The following SCO1 variants were observed in gnomAD, a reference collection of about 807,000 sequenced individuals.
SCO1 encodes the protein synthesis of cytochrome C oxidase 1.
Under a neutral mutation model 34.0 loss-of-function variants are expected in SCO1, and 23 were observed. The observed-to-expected ratio is 0.68, with a 90% CI of 0.49 to 0.96. The LOEUF (loss-of-function observed/expected upper bound fraction) is 0.96, where lower values mean the gene tolerates loss of function less well. SCO1 is among the 40% of genes least tolerant of loss of function. The pLI, the probability that SCO1 is intolerant of heterozygous loss-of-function variation, is 0.00. For synonymous variants in SCO1, 161 were observed against 145.5 expected, an observed-to-expected ratio of 1.11 and a Z score of -0.77; for missense variants, 404 against 381.6, an observed-to-expected ratio of 1.06 and a Z score of -0.49.
Position 10,692,751 on chromosome 17 carries a change from A to T in SCO1, c.562+13T>A, listed in dbSNP as rs1465776556. On this transcript the variant is annotated intron_variant, in intron 3 of 5. Transcript: ENST00000255390. ...AAACATATACTTTGTTTAGTTAGTG[A>T]TGGCTTTCTTACCTATTTCATCCAC... is the stretch of plus-strand genomic sequence containing the variant. 1 of 1,608,750 alleles carries T rather than the reference A, an allele frequency of 6.2e-7. No homozygotes were observed. The highest frequency in any genetic ancestry group is 8.5e-7 in the Non-Finnish European group (1 of 1,175,158).
rs114082934 is a variant in SCO1, at chr17:10,681,101, C to A, written c.*18G>T. 6 of 1,614,030 alleles carry A rather than the reference C, an allele frequency of 3.7e-6. No individual in the cohort carries two copies. The African/African-American group carries it at 8.0e-5, about 22-fold the overall frequency. The stretch of plus-strand genomic sequence containing the variant: ...TCCTCTTAGCAAGAGAATACTGCAT[C>A]CAGCAACACTGCTTTGGCTAGCTCT... On this transcript the variant is annotated 3_prime_UTR_variant, in exon 6 of 6. Transcript: ENST00000255390.
intron 1 of SCO1, 132 bp downstream of exon 1, chr17:10,697,103 G>A (rs2074734918): frequency 1.2e-6 from 1 of 857,070 alleles, no homozygotes; most frequent in East Asian, 2.7e-5. Context: ...CATGACCCAG[G>A]TAAGGCGCGC....
In SCO1 at chr17:10,697,285, G is replaced by T. The variant is rs774827470; in HGVS notation, c.223C>A (p.Pro75Thr). 5.1e-6 allele frequency: 8 copies of T among 1,566,252 alleles called. No homozygotes were observed. In the African/African-American group the frequency reaches 1.1e-4, roughly 21 times the overall value. The change falls in exon 1 of 6, where the codon CCG (proline) becomes ACG (threonine). Residue 75 changes from proline (P) to threonine (T), a missense_variant. By Grantham distance (38) the Pro-to-Thr change is conservative (BLOSUM62 -1). Transcript: ENST00000255390. ...RPLSTARPPP[P>T]WSQKGPGDST... The stretch of plus-strand genomic sequence containing the variant: ...TCTCCGGGGCCCTTCTGCGACCACG[G>T]GGGTGGCGGCCTCGCAGTGCTGAGG...
At chr17:10,694,936 T>C (rs960313161) in intron 2 of SCO1, among the ~76,000 whole-genome samples, 15 of 152,338 alleles carry the variant, frequency 9.8e-5, no homozygotes, top group Admixed American at 2.0e-4. Flanking sequence ...TTAACCTTTG[T>C]ATATAATGTT....
At chr17:10,691,996 C>T in intron 3 of SCO1, 32 bp from the exon 4 acceptor site, 2 of 1,444,066 alleles carry the variant, frequency 1.4e-6, no homozygotes, top group Non-Finnish European at 2.0e-6. Flanking sequence ...TCCGTATTCA[C>T]ACCCTAAGGG....
intron 4 of SCO1, among the ~76,000 whole-genome samples, chr17:10,687,445 A>C (rs1340460843): frequency 6.6e-6 from 1 of 152,228 alleles, no homozygotes; most frequent in Non-Finnish European, 1.5e-5. Flanking sequence ...CATGTAAGTG[A>C]ACCGGTAGAG....
intron 5 of SCO1, among the ~76,000 whole-genome samples, chr17:10,685,162 T>C (rs2074647589): frequency 6.6e-6 from 1 of 152,162 alleles, no homozygotes; most frequent in Admixed American, 6.5e-5. Context: ...AGACATCCCA[T>C]CCCCTCTGCA....
At chr17:10,681,300 CT>C in intron 5 of SCO1, 47 bp from the exon 6 acceptor site, 5 of 1,603,362 alleles carry the variant, frequency 3.1e-6, no homozygotes, top group Non-Finnish European at 3.4e-6. Context: ...CCAAAATAAG[CT>C]GCTTATTTTA....
In SCO1 at chr17:10,692,745, T is replaced by A; in HGVS notation, c.562+19A>T. The A allele has an allele frequency of 6.2e-7, 1 of 1,601,020 alleles. No individual in the cohort carries two copies. Among genetic ancestry groups the A allele is most frequent in the Non-Finnish European group, 8.6e-7 (1 of 1,168,206 alleles). ...TGAAGTAAACATATACTTTGTTTAG[T>A]TAGTGATGGCTTTCTTACCTATTTC... On this transcript the variant is annotated intron_variant, in intron 3 of 5. Coordinates refer to ENST00000255390, the MANE Select transcript of SCO1 (RefSeq NM_004589.4).
At chr17:10,697,198 G>T in intron 1 of SCO1, 37 bp downstream of exon 1, 1 of 1,480,608 alleles carries the variant, frequency 6.8e-7, no homozygotes, top group Non-Finnish European at 9.0e-7. Flanking sequence ...GCCGACAGCC[G>T]CGACGAGCAC....
intron 4 of SCO1, among the ~76,000 whole-genome samples, chr17:10,688,593 A>G (rs2074671155): frequency 6.6e-6 from 1 of 152,226 alleles, no homozygotes; most frequent in Non-Finnish European, 1.5e-5. Context: ...AGTGTCTTAG[A>G]AAGTTAAAAT....
At chr17:10,696,952 ATTTTT>A (rs57744268) in intron 1 of SCO1, among the ~76,000 whole-genome samples, 1 of 146,292 alleles carries the variant, frequency 6.8e-6, no homozygotes, top group Non-Finnish European at 1.5e-5. Context: ...CTGAAACTTA[ATTTTT>A]TTTTTTTTTT....
At chr17:10,683,481 ATGAGTT>A (rs1211396451) in intron 5 of SCO1, among the ~76,000 whole-genome samples, 2 of 152,118 alleles carry the variant, frequency 1.3e-5, no homozygotes, top group Non-Finnish European at 2.9e-5. Flanking sequence ...AAGAGGGTGT[ATGAGTT>A]TAATTCCTAT....
At chr17:10,692,474 G>C (rs900570318) in intron 3 of SCO1, among the ~76,000 whole-genome samples, 6 of 152,130 alleles carry the variant, frequency 3.9e-5, no homozygotes, top group African/African-American at 1.4e-4. Flanking sequence ...CAATCAGTGG[G>C]GAAGAGGCAA....
At chr17:10,691,026 G>A (rs1017502132) in intron 4 of SCO1, among the ~76,000 whole-genome samples, 5 of 152,208 alleles carry the variant, frequency 3.3e-5, no homozygotes, top group East Asian at 1.9e-4. Context: ...GGATACTAGA[G>A]GCTGGAAAGG....
At position 10,681,238 on chromosome 17, in the gene SCO1, T is replaced by A; in HGVS notation, c.787A>T (p.Ile263Leu). 6.2e-7 allele frequency: 1 copy of A among 1,614,126 alleles called. No homozygotes were observed. The highest frequency in any genetic ancestry group is 8.5e-7 in the Non-Finnish European group (1 of 1,180,020). The change falls in exon 6 of 6, where the codon ATA becomes TTA. Residue 263 changes from isoleucine (I) to leucine (L), a missense_variant. By Grantham distance (5) the Ile-to-Leu change is conservative. Coordinates refer to ENST00000255390, the MANE Select transcript of SCO1 (RefSeq NM_004589.4). ...CCATCTGGTCCAATCAAGTACATTA[T>A]TATTGTGTGATCCACCTGCAGAGAA... ...DEDYIVDHTI[I>L]MYLIGPDGEF...
rs146247812 is a variant in SCO1, at chr17:10,693,289, C to CAA, written c.365-330_365-329dup. 4.4e-3 allele frequency among the ~76,000 whole-genome samples: 664 copies of CAA among 152,216 alleles called. 2 individuals carry two copies. Among genetic ancestry groups the CAA allele is most frequent in the African/African-American group, 0.015 (614 of 41,526 alleles). ...AGTGGCCTAGAGCTGAATGTCTAAA[C>CAA]AAGTGGGGTGCGGTGGGTGGCCTGG... On this transcript the variant is annotated intron_variant, in intron 2 of 5. Transcript: ENST00000255390.
chr17:10,681,025 G>T lies in SCO1; in HGVS notation c.*94C>A. ...TGGTATGAAGGCCATTCTGTAGAGT[G>T]CACGTATATATGTTTATATTTATAT... is the stretch of plus-strand genomic sequence containing the variant. On this transcript the variant is annotated 3_prime_UTR_variant, in exon 6 of 6. Coordinates refer to ENST00000255390, the MANE Select transcript of SCO1 (RefSeq NM_004589.4). 1.4e-6 allele frequency: 2 copies of T among 1,402,394 alleles called. No homozygotes were observed. The highest frequency in any genetic ancestry group is 2.0e-6 in the Non-Finnish European group (2 of 988,728). 86.9% of individuals were successfully genotyped at this position (1,402,394 alleles called of 1,614,324 possible).
intron 5 of SCO1, 142 bp downstream of exon 5, chr17:10,686,581 CAAAA>C (rs10712779): frequency 2.1e-3 from 1,112 of 518,190 alleles, no homozygotes; most frequent in East Asian, 2.7e-3. Context: ...GACTCCATCT[CAAAA>C]AAAAAAAAAA....
Sources: gnomAD v4.1 joint callset for allele counts (sites outside exome capture counted in the v4.1 genomes callset) on GRCh38, gnomAD v4.1.1 for gene constraint, MANE v1.5 for transcripts, NCBI Gene and HGNC (gene_info 2026-07-23, HGNC 2026-07-21) for gene names.